RASEF: variants seen among roughly 807,000 people sequenced by gnomAD.
RASEF encodes RAS and EF-hand domain containing, also known as ras and EF-hand domain-containing protein.
A neutral mutation model predicts 90.1 loss-of-function variants in RASEF; 68 were observed. That is an observed-to-expected ratio of 0.75 (90% CI 0.62 to 0.92). The LOEUF (loss-of-function observed/expected upper bound fraction) is 0.92. Among genes scored for constraint, RASEF ranks in the 40% least tolerant of loss-of-function variants. The pLI is 0.00. For missense variants in RASEF, 949 were observed against 937.2 expected, an observed-to-expected ratio of 1.01 and a Z score of -0.16; for synonymous variants, 331 against 345.2, an observed-to-expected ratio of 0.96 and a Z score of 0.46.
the RASEF span, among the ~76,000 whole-genome samples, chr9:83,218,760 C>T: frequency 5.3e-5 from 8 of 152,224 alleles, no homozygotes; most frequent in African/African-American, 1.9e-4. Context: ...TGGCCTCCCA[C>T]ATCTGGATTC....
At chr9:83,216,089 G>A in the RASEF span, among the ~76,000 whole-genome samples, 2 of 152,186 alleles carry the variant, frequency 1.3e-5, no homozygotes, top group African/African-American at 2.4e-5. Flanking sequence ...AAATTTCTAA[G>A]CAGCAAAGTG....
chr9:83,200,381 G>A, the RASEF span, among the ~76,000 whole-genome samples: 1 of 152,184 alleles, frequency 6.6e-6, no homozygotes, highest in South Asian at 2.1e-4. Context: ...GGGCAACAGA[G>A]CAAGATTCCG....
chr9:82,983,646 C>T (rs1210481364), intron 16 of RASEF, among the ~76,000 whole-genome samples: 2 of 152,222 alleles, frequency 1.3e-5, no homozygotes, highest in East Asian at 1.9e-4. Context: ...CCCCTACCCT[C>T]TTGGTCAGAG....
At chr9:83,179,461 G>A in the RASEF span, among the ~76,000 whole-genome samples, 12 of 152,150 alleles carry the variant, frequency 7.9e-5, no homozygotes, top group Admixed American at 6.5e-4. Context: ...TTTATATCAA[G>A]GAATGAGTAT....
the RASEF span, among the ~76,000 whole-genome samples, chr9:83,180,940 C>T: frequency 6.6e-6 from 1 of 151,616 alleles, no homozygotes; most frequent in East Asian, 1.9e-4. Flanking sequence ...TGCAGTTCTG[C>T]TGGTCAGAAT....
the RASEF span, among the ~76,000 whole-genome samples, chr9:83,136,111 A>C: frequency 2.6e-5 from 4 of 152,054 alleles, no homozygotes; most frequent in Non-Finnish European, 5.9e-5. Flanking sequence ...ATATATAAAA[A>C]CAATAACAGT....
the RASEF span, among the ~76,000 whole-genome samples, chr9:83,102,558 C>T: frequency 1.3e-5 from 2 of 151,902 alleles, no homozygotes; most frequent in African/African-American, 4.8e-5. Flanking sequence ...GTTTCTTATA[C>T]TCATAGCTCC....
chr9:83,039,842 T>C (rs1829806977), intron 1 of RASEF, among the ~76,000 whole-genome samples: 1 of 152,210 alleles, frequency 6.6e-6, no homozygotes, highest in South Asian at 2.1e-4. Context: ...TGCTGGTATC[T>C]GGAACTATTT....
chr9:83,114,190 C>CT, the RASEF span, among the ~76,000 whole-genome samples: 1 of 152,190 alleles, frequency 6.6e-6, no homozygotes, highest in African/African-American at 2.4e-5. Context: ...CAAATTAATA[C>CT]TTTTATAATT....
rs1181872673 is a variant in RASEF at position 82,979,819 on chromosome 9, A to G, written c.*2858T>C. On this transcript the variant is annotated 3_prime_UTR_variant, in exon 17 of 17. Transcript: ENST00000376447. ...GGCCTACTTAATATATACATATGAA[A>G]TTTCTTACACACACACAATAAATGC... 6.6e-6 allele frequency: 1 copy of G among 152,196 alleles called. No homozygotes were observed. Among genetic ancestry groups the G allele is most frequent in the Admixed American group, 6.5e-5 (1 of 15,288 alleles). 9.4% of individuals were successfully genotyped at this position (152,196 alleles called of 1,614,324 possible).
At chr9:83,114,222 A>G in the RASEF span, among the ~76,000 whole-genome samples, 1 of 152,196 alleles carries the variant, frequency 6.6e-6, no homozygotes, top group African/African-American at 2.4e-5. Flanking sequence ...TCTTTACTGC[A>G]ATCTCTGAAC....
the RASEF span, among the ~76,000 whole-genome samples, chr9:83,163,343 G>A: frequency 6.6e-6 from 1 of 152,090 alleles, no homozygotes; most frequent in Non-Finnish European, 1.5e-5. Flanking sequence ...AAGAAAAAAC[G>A]ACAAGACTTA....
upstream of RASEF, among the ~76,000 whole-genome samples, chr9:83,067,854 A>G (rs1830294696): frequency 6.6e-6 from 1 of 152,152 alleles, no homozygotes; most frequent in Non-Finnish European, 1.5e-5. Flanking sequence ...AGTTAAGACA[A>G]AAGTTTGTGT....
chr9:83,110,133 G>A, the RASEF span, among the ~76,000 whole-genome samples: 27 of 152,272 alleles, frequency 1.8e-4, no homozygotes, highest in South Asian at 3.9e-3. Flanking sequence ...AAGCCTCAGA[G>A]CAATTAGCAT....
At chr9:83,058,350 T>A (rs1345172338) in intron 1 of RASEF, among the ~76,000 whole-genome samples, 1 of 150,424 alleles carries the variant, frequency 6.6e-6, no homozygotes, top group East Asian at 1.9e-4. Flanking sequence ...GCCCGGCTAA[T>A]TTTTTGTATT....
chr9:83,105,626 G>C, the RASEF span, among the ~76,000 whole-genome samples: 7 of 152,166 alleles, frequency 4.6e-5, no homozygotes, highest in Non-Finnish European at 7.3e-5. Flanking sequence ...CAAAATTGTT[G>C]CATTTATAAA....
intron 1 of RASEF, chr9:83,048,414 C>T (rs916945835): frequency 5.1e-6 from 5 of 985,174 alleles, no homozygotes; most frequent in African/African-American, 1.7e-5. Context: ...ACTTTATATC[C>T]TCACTGATGT....
intron 7 of RASEF, among the ~76,000 whole-genome samples, chr9:83,005,757 C>T (rs1829117917): frequency 2.0e-5 from 3 of 152,244 alleles, no homozygotes; most frequent in Admixed American, 1.3e-4. Context: ...GTGGAACTCA[C>T]TCTTCCTTAA....
chr9:83,169,476 G>T, the RASEF span, among the ~76,000 whole-genome samples: 1,119 of 152,048 alleles, frequency 7.4e-3, 5 homozygotes, highest in Non-Finnish European at 0.012. Flanking sequence ...CATAGTGGCT[G>T]TGCTAATTTA....
Sources: gnomAD v4.1 joint callset for allele counts (sites outside exome capture counted in the v4.1 genomes callset) on GRCh38, gnomAD v4.1.1 for gene constraint, MANE v1.5 for transcripts, NCBI Gene and HGNC (gene_info 2026-07-23, HGNC 2026-07-21) for gene names.